CRYBB2: variants seen among roughly 807,000 people sequenced by gnomAD.
CRYBB2 encodes crystallin beta B2.
A neutral mutation model predicts 24.3 loss-of-function variants in CRYBB2; 12 were observed. The ratio of observed to expected loss-of-function variants is 0.49; its 90% CI spans 0.32 to 0.80. The LOEUF (loss-of-function observed/expected upper bound fraction) is 0.80. Among genes scored for constraint, CRYBB2 ranks in the 30% least tolerant of loss-of-function variants. The pLI is 0.04. For synonymous variants in CRYBB2, 98 were observed against 101.6 expected (o/e 0.96, Z 0.21); for missense variants, 198 against 268.5 (o/e 0.74, Z 1.83).
At chr22:25,231,569 C>T in intron 5 of CRYBB2, 35 bp from the exon 6 acceptor site, 2 of 1,608,038 alleles carry the variant, frequency 1.2e-6, no homozygotes, top group Non-Finnish European at 8.5e-7. Flanking sequence ...TTCCTGTCCC[C>T]CTCGTTCACC....
At chr22:25,226,467 G>A (rs1352314704) in intron 3 of CRYBB2, among the ~76,000 whole-genome samples, 1 of 152,100 alleles carries the variant, frequency 6.6e-6, no homozygotes, top group Non-Finnish European at 1.5e-5. Flanking sequence ...CTTACCTGGT[G>A]ATAGTTACGC....
upstream of CRYBB2, among the ~76,000 whole-genome samples, chr22:25,218,777 GAGAAGAAAGA>G (rs1217200525): frequency 4.2e-4 from 11 of 26,078 alleles, no homozygotes; most frequent in South Asian, 3.3e-3. Flanking sequence ...GAGAGAGAGA[GAGAAGAAAGA>G]AAGAAAGAAA....
upstream of CRYBB2, among the ~76,000 whole-genome samples, chr22:25,217,013 A>C (rs73162238): frequency 8.9e-3 from 1,361 of 152,318 alleles, 9 homozygotes; most frequent in Non-Finnish European, 0.014. Context: ...GTGTTTATCC[A>C]TTCATCCGTT....
chr22:25,219,146 T>C (rs1394207465), upstream of CRYBB2, among the ~76,000 whole-genome samples: 2 of 152,190 alleles, frequency 1.3e-5, no homozygotes, highest in African/African-American at 2.4e-5. Context: ...CTTTTCTGAA[T>C]GGCCTGGGCT....
At chr22:25,218,948 T>C (rs1171178647), upstream of CRYBB2, among the ~76,000 whole-genome samples, 1 of 152,162 alleles carries the variant, frequency 6.6e-6, no homozygotes, top group Non-Finnish European at 1.5e-5. Context: ...CCTGCCCACC[T>C]TGGCCACCTG....
intron 5 of CRYBB2, among the ~76,000 whole-genome samples, chr22:25,230,728 C>T (rs978373110): frequency 1.3e-5 from 2 of 149,046 alleles, no homozygotes; most frequent in African/African-American, 5.1e-5. Context: ...CTGCCATATG[C>T]CAGGCATTGT....
At chr22:25,218,151 A>T (rs369102161), upstream of CRYBB2, among the ~76,000 whole-genome samples, 73 of 151,930 alleles carry the variant, frequency 4.8e-4, no homozygotes, top group Admixed American at 2.4e-3. Context: ...CCCAGCTACT[A>T]GGGAGGCTGA....
intron 1 of CRYBB2, among the ~76,000 whole-genome samples, chr22:25,213,063 T>G (rs1287229608): frequency 6.6e-6 from 1 of 152,246 alleles, no homozygotes; most frequent in African/African-American, 2.4e-5. Context: ...TCTATCCTTA[T>G]TATCCTTTTA....
upstream of CRYBB2, among the ~76,000 whole-genome samples, chr22:25,218,225 C>G (rs953173889): frequency 8.0e-5 from 12 of 150,606 alleles, no homozygotes; most frequent in South Asian, 4.2e-4. Context: ...TGCCACTGCA[C>G]TCCAGCCTGG....
chr22:25,217,532 G>A (rs111418057), upstream of CRYBB2, among the ~76,000 whole-genome samples: 1 of 152,102 alleles, frequency 6.6e-6, no homozygotes, highest in African/African-American at 2.4e-5. Context: ...GCTCAGGCAG[G>A]TCTCGAGCTC....
intron 4 of CRYBB2, among the ~76,000 whole-genome samples, chr22:25,228,997 C>A (rs9612896): frequency 5.5e-5 from 8 of 145,752 alleles, no homozygotes; most frequent in Non-Finnish European, 1.0e-4. Context: ...TGTGGGTGTG[C>A]GTGTGTGTGC....
chr22:25,225,659 C>T (rs959471120), intron 3 of CRYBB2, among the ~76,000 whole-genome samples: 3 of 152,196 alleles, frequency 2.0e-5, no homozygotes, highest in African/African-American at 4.8e-5. Context: ...CAGTTTCTCT[C>T]GTCACTCCTT....
chr22:25,217,650 C>A (rs919633628), upstream of CRYBB2, among the ~76,000 whole-genome samples: 1 of 152,170 alleles, frequency 6.6e-6, no homozygotes, highest in Non-Finnish European at 1.5e-5. Flanking sequence ...ACCTACTATG[C>A]GTCAGGCACT....
At chr22:25,227,150 A>G (rs1935433429) in intron 3 of CRYBB2, among the ~76,000 whole-genome samples, 1 of 152,220 alleles carries the variant, frequency 6.6e-6, no homozygotes, top group Non-Finnish European at 1.5e-5. Flanking sequence ...GGTTGGTCCC[A>G]GAATGCTAAT....
chr22:25,221,935 A>G (rs185218281), intron 2 of CRYBB2, among the ~76,000 whole-genome samples: 2 of 152,358 alleles, frequency 1.3e-5, no homozygotes, highest in Admixed American at 6.5e-5. Flanking sequence ...TGCACAGGGA[A>G]GTTGTGAGAG....
rs374816868 is a variant in CRYBB2, at chr22:25,228,004, C to T, written c.306+19C>T. On this transcript the variant is annotated intron_variant, in intron 4 of 5. Coordinates refer to ENST00000398215, the MANE Select transcript of CRYBB2 (RefSeq NM_000496.3). ...CAAAGTGGTGAGCCCCCTGCCATCA[C>T]CCTACTCCCTCTCTCTGCCCATCAT... The T allele has an allele frequency of 1.1e-5, 17 of 1,613,950 alleles. No homozygotes were observed. The African/African-American group carries it at 1.9e-4, about 18-fold the overall frequency.
intron 3 of CRYBB2, among the ~76,000 whole-genome samples, chr22:25,225,767 C>T (rs1935402315): frequency 6.6e-6 from 1 of 152,206 alleles, no homozygotes; most frequent in African/African-American, 2.4e-5. Flanking sequence ...CCTCAAGGTT[C>T]TCAGGGAATT....
chr22:25,229,730 C>A lies in CRYBB2; in HGVS notation c.449+152C>A, dbSNP rs1935498951. 5.4e-6 allele frequency: 5 copies of A among 930,018 alleles called. No individual in the cohort carries two copies. The East Asian group carries it at 7.9e-5, about 15-fold the overall frequency. The allele number at this position is 930,018 out of a possible 1,614,324, so 57.6% of individuals were successfully genotyped here. A position where few individuals can be genotyped will look rare whatever the true frequency, so the allele number is the denominator to read the frequency against. ...TCCCACTGGAAAGTAAATGGGAATT[C>A]TCTGCCCATAGGTGGCTTACAGCCG... On this transcript the variant is annotated intron_variant, in intron 5 of 5. Coordinates refer to ENST00000398215, the MANE Select transcript of CRYBB2 (RefSeq NM_000496.3).
chr22:25,218,735 GGGAGAGAGAGAGAGAGAGA>G (rs1935236427), upstream of CRYBB2, among the ~76,000 whole-genome samples: 17 of 41,512 alleles, frequency 4.1e-4, no homozygotes, highest in African/African-American at 4.5e-4. Context: ...AGAGAGAGAG[GGGAGAGAGAGAGAGAGAGA>G]GAGAGAGAGA....
Sources: allele counts gnomAD v4.1 joint callset (sites outside exome capture counted in the v4.1 genomes callset), GRCh38; gene constraint gnomAD v4.1.1; transcripts MANE v1.5; gene names NCBI Gene and HGNC (gene_info 2026-07-23, HGNC 2026-07-21).